Variants in ARHGAP26 observed in about 807,000 individuals in gnomAD.
The protein encoded by ARHGAP26 is Rho GTPase activating protein 26.
Under a neutral mutation model 104.8 loss-of-function variants are expected in ARHGAP26, and 38 were observed. That is an observed-to-expected ratio of 0.36 (90% CI 0.28 to 0.48). The LOEUF is 0.48. Among genes scored for constraint, ARHGAP26 ranks in the 20% least tolerant of loss-of-function variants. The pLI, the probability that ARHGAP26 is intolerant of heterozygous loss-of-function variation, is 0.99. For missense variants in ARHGAP26, 704 were observed against 947.9 expected (o/e 0.74, Z 3.38); for synonymous variants, 341 against 340.0 (o/e 1.00, Z -0.03).
chr5:142,978,158 C>A (rs1335465626), intron 11 of ARHGAP26, among the ~76,000 whole-genome samples: 2 of 152,132 alleles, frequency 1.3e-5, no homozygotes, highest in Non-Finnish European at 2.9e-5. Flanking sequence ...CGGATCGCTT[C>A]TCCTTGGGTC....
At chr5:143,011,524 G>A (rs190527236) in intron 11 of ARHGAP26, among the ~76,000 whole-genome samples, 3 of 152,188 alleles carry the variant, frequency 2.0e-5, no homozygotes, top group East Asian at 1.9e-4. Context: ...ATAAGTAAAC[G>A]AATTGCAAGC....
In ARHGAP26 at chr5:143,189,662, C is replaced by T. The variant is rs1384529963; in HGVS notation, c.1989-17536C>T. On this transcript the variant is annotated intron_variant, in intron 20 of 22. Transcript: ENST00000645722. ...ATTTACTTAATTATAAAGTGTATAC[C>T]TGCCTTAGTAATTGCTATATTACAC... Among the ~76,000 whole-genome samples the T allele has an allele frequency of 2.6e-5, 4 of 151,844 alleles. No homozygotes were observed. In the East Asian group the frequency reaches 7.7e-4, roughly 29 times the overall value.
chr5:142,879,073 T>A (rs534624071), intron 3 of ARHGAP26, among the ~76,000 whole-genome samples: 3 of 152,318 alleles, frequency 2.0e-5, no homozygotes, highest in African/African-American at 7.2e-5. Flanking sequence ...TAGACCCCAC[T>A]CTTTTACCAG....
At chr5:142,931,539 T>C (rs969981354) in intron 10 of ARHGAP26, among the ~76,000 whole-genome samples, 8 of 152,234 alleles carry the variant, frequency 5.3e-5, no homozygotes, top group African/African-American at 1.7e-4. Flanking sequence ...ACCAAGATGA[T>C]GACCACCATA....
chr5:143,072,954 GTC>G (rs1320005765), intron 17 of ARHGAP26, among the ~76,000 whole-genome samples: 1 of 152,006 alleles, frequency 6.6e-6, no homozygotes, highest in East Asian at 1.9e-4. Context: ...GATTACCCTG[GTC>G]TGATCACCAT....
intron 17 of ARHGAP26, among the ~76,000 whole-genome samples, chr5:143,081,996 G>A (rs1374248559): frequency 1.4e-4 from 20 of 144,056 alleles, no homozygotes; most frequent in Non-Finnish European, 9.1e-5. Context: ...GGTAACAGAG[G>A]GAGACTCCAT....
intron 18 of ARHGAP26, among the ~76,000 whole-genome samples, chr5:143,122,410 T>C (rs1796245949): frequency 6.6e-6 from 1 of 152,242 alleles, no homozygotes; most frequent in South Asian, 2.1e-4. Context: ...GTGTACTAAG[T>C]GAAGCCTACC....
intron 10 of ARHGAP26, among the ~76,000 whole-genome samples, chr5:142,930,381 G>C (rs1273803355): frequency 1.3e-5 from 2 of 152,150 alleles, no homozygotes; most frequent in African/African-American, 4.8e-5. Flanking sequence ...GCACTTGGTT[G>C]GGTCTGAGAA....
chr5:142,999,861 C>G (rs1776949440), intron 11 of ARHGAP26, among the ~76,000 whole-genome samples: 1 of 152,040 alleles, frequency 6.6e-6, no homozygotes, highest in Non-Finnish European at 1.5e-5. Context: ...AGGACATATT[C>G]GCAAACCATA....
At chr5:143,000,937 A>C (rs1333556521) in intron 11 of ARHGAP26, among the ~76,000 whole-genome samples, 1 of 152,200 alleles carries the variant, frequency 6.6e-6, no homozygotes, top group Non-Finnish European at 1.5e-5. Context: ...TGCAGGGCTT[A>C]AAATCTAGAT....
In ARHGAP26 at chr5:142,934,787, G is replaced by T. The variant is rs1765187411; in HGVS notation, c.1107+2662G>T. Among the ~76,000 whole-genome samples, 5 of 151,170 alleles carry T rather than the reference G, an allele frequency of 3.3e-5. No individual in the cohort carries two copies. In the South Asian group the frequency reaches 8.3e-4, roughly 25 times the overall value. The stretch of plus-strand genomic sequence containing the variant: ...TGGATTTTTTTTTTTTTTGGAGGGG[G>T]TTAATTTTAGTTTCTGTTCTTTTTG... On this transcript the variant is annotated intron_variant, in intron 11 of 22. Coordinates refer to ENST00000645722, the MANE Select transcript of ARHGAP26 (RefSeq NM_001135608.3).
At chr5:142,881,746 G>A (rs780609497) in intron 4 of ARHGAP26, among the ~76,000 whole-genome samples, 20 of 152,144 alleles carry the variant, frequency 1.3e-4, no homozygotes, top group Non-Finnish European at 2.4e-4. Context: ...ACTTCTAGGC[G>A]ACCCAGGGAG....
At chr5:142,833,767 T>C (rs1768993185) in intron 1 of ARHGAP26, among the ~76,000 whole-genome samples, 1 of 152,216 alleles carries the variant, frequency 6.6e-6, no homozygotes, top group African/African-American at 2.4e-5. Flanking sequence ...ACAGAGTCTG[T>C]GTAATCTACC....
intron 17 of ARHGAP26, among the ~76,000 whole-genome samples, chr5:143,092,553 A>G (rs1035153657): frequency 6.8e-6 from 1 of 147,334 alleles, no homozygotes; most frequent in Non-Finnish European, 1.5e-5. Flanking sequence ...TCCCCCCCCC[A>G]CCTTTTTTTT....
At chr5:143,005,440 A>G (rs762005858) in intron 11 of ARHGAP26, among the ~76,000 whole-genome samples, 5 of 152,266 alleles carry the variant, frequency 3.3e-5, no homozygotes, top group Non-Finnish European at 1.5e-5. Context: ...TATGTGCAGT[A>G]GGATGCATAG....
intron 11 of ARHGAP26, among the ~76,000 whole-genome samples, chr5:142,968,498 A>T (rs1771753081): frequency 6.6e-6 from 1 of 152,256 alleles, no homozygotes; most frequent in African/African-American, 2.4e-5. Context: ...AATGCAAATA[A>T]TATGGAAGTA....
At chr5:143,160,879 C>G (rs912204364) in intron 20 of ARHGAP26, among the ~76,000 whole-genome samples, 1 of 152,162 alleles carries the variant, frequency 6.6e-6, no homozygotes, top group East Asian at 1.9e-4. Context: ...TCGCCCAGGG[C>G]TCTGTGTCAG....
At chr5:143,099,013 A>G (rs1326500962) in intron 17 of ARHGAP26, among the ~76,000 whole-genome samples, 3 of 152,220 alleles carry the variant, frequency 2.0e-5, no homozygotes, top group Non-Finnish European at 4.4e-5. Context: ...CCAATGAAAG[A>G]CACAATGCTG....
intron 4 of ARHGAP26, among the ~76,000 whole-genome samples, chr5:142,884,608 A>G (rs535099532): frequency 2.0e-5 from 3 of 152,302 alleles, no homozygotes; most frequent in African/African-American, 4.8e-5. Flanking sequence ...TAGTTTTCCA[A>G]TGACTAGTTA....
Sources: allele counts gnomAD v4.1 joint callset (sites outside exome capture counted in the v4.1 genomes callset), GRCh38; gene constraint gnomAD v4.1.1; transcripts MANE v1.5; gene names NCBI Gene and HGNC (gene_info 2026-07-23, HGNC 2026-07-21).